Variants in ZNF131 observed in about 807,000 individuals in gnomAD.
The protein encoded by ZNF131 is zinc finger protein 131.
A neutral mutation model predicts 60.0 loss-of-function variants in ZNF131; 7 were observed. The ratio of observed to expected loss-of-function variants is 0.12; its 90% CI spans 0.07 to 0.22. The LOEUF is 0.22. Ranked by LOEUF, ZNF131 falls within the 10% of genes least tolerant of loss-of-function variation. The pLI, the probability that ZNF131 is intolerant of heterozygous loss-of-function variation, is 1.00. For missense variants in ZNF131, 493 were observed against 740.9 expected (o/e 0.67, Z 3.88); for synonymous variants, 257 against 253.2 (o/e 1.01, Z -0.14).
intron 1 of ZNF131, 59 bp from the exon 2 acceptor site, chr5:43,121,980 G>T: frequency 6.4e-7 from 1 of 1,559,312 alleles, no homozygotes. Context: ...TTATGCTTTA[G>T]GGGTTTTGTT....
At position 43,120,973 on chromosome 5, in the gene ZNF131, A is replaced by C. The variant is rs1349005517; in HGVS notation, c.-166A>C. On this transcript the variant is annotated 5_prime_UTR_variant, in exon 1 of 7. Coordinates refer to ENST00000682664, the MANE Select transcript of ZNF131 (RefSeq NM_001330707.2). ...ACGTGCGCCAGCGGGGCCCGAGCAG[A>C]AGGGGAGCCCCGGCTCTCACGAAGA... 4 of 152,198 alleles carry C rather than the reference A, an allele frequency of 2.6e-5. No homozygotes were observed. Among genetic ancestry groups the C allele is most frequent in the African/African-American group, 4.8e-5 (2 of 41,450 alleles). 9.4% of individuals were successfully genotyped at this position (152,198 alleles called of 1,614,324 possible).
At chr5:43,152,094 C>T (rs1427299486) in intron 4 of ZNF131, among the ~76,000 whole-genome samples, 2 of 151,990 alleles carry the variant, frequency 1.3e-5, no homozygotes, top group Admixed American at 1.3e-4. Flanking sequence ...CCTCTACCTC[C>T]CAGGTTCAAG....
intron 4 of ZNF131, among the ~76,000 whole-genome samples, chr5:43,149,970 A>G (rs749674344): frequency 1.3e-5 from 2 of 152,180 alleles, no homozygotes; most frequent in Non-Finnish European, 2.9e-5. Flanking sequence ...GGATGCCGGC[A>G]AGAGACATGA....
intron 3 of ZNF131, among the ~76,000 whole-genome samples, chr5:43,136,397 C>T (rs898178508): frequency 6.8e-6 from 1 of 146,062 alleles, no homozygotes; most frequent in African/African-American, 2.5e-5. Flanking sequence ...AAAAGCAGTT[C>T]TAAAATTCAT....
rs150678014 is a variant in ZNF131 at position 43,161,111 on chromosome 5, G to T, written c.372-138G>T. On this transcript the variant is annotated intron_variant, in intron 4 of 6. Transcript: ENST00000682664. ...CTTAATTACTGTAGCTTTAAGTCTT[G>T]AAATCAGGTAGGATAAGCCCTGCAG... 849 of 729,178 alleles carry T rather than the reference G, an allele frequency of 1.2e-3. 6 individuals are homozygous for T. In the African/African-American group the frequency reaches 0.014, roughly 12 times the overall value. The allele number at this position is 729,178 out of a possible 1,614,324, so 45.2% of individuals were successfully genotyped here. A position where few individuals can be genotyped will look rare whatever the true frequency, so the allele number is the denominator to read the frequency against.
intron 3 of ZNF131, among the ~76,000 whole-genome samples, chr5:43,137,651 GT>G (rs2112241172): frequency 6.6e-6 from 1 of 151,812 alleles, no homozygotes; most frequent in Admixed American, 6.6e-5. Flanking sequence ...GCAGGAATAG[GT>G]GCAGCCATTA....
At chr5:43,156,562 A>G (rs1748987632) in intron 4 of ZNF131, among the ~76,000 whole-genome samples, 2 of 152,230 alleles carry the variant, frequency 1.3e-5, no homozygotes, top group South Asian at 2.1e-4. Flanking sequence ...ACAAACCTCC[A>G]GTGTTTTCAG....
intron 3 of ZNF131, among the ~76,000 whole-genome samples, chr5:43,137,856 T>C (rs1047097439): frequency 6.6e-6 from 1 of 152,066 alleles, no homozygotes; most frequent in Non-Finnish European, 1.5e-5. Flanking sequence ...ATAAAGAAAA[T>C]GTAGTATATG....
chr5:43,133,514 T>A (rs550751060), intron 3 of ZNF131, among the ~76,000 whole-genome samples: 53 of 152,300 alleles, frequency 3.5e-4, no homozygotes, highest in African/African-American at 1.3e-3. Flanking sequence ...CATTTATTCC[T>A]GCTTTGTGTT....
At chr5:43,166,474 C>T (rs1431622358) in intron 5 of ZNF131, among the ~76,000 whole-genome samples, 2 of 151,474 alleles carry the variant, frequency 1.3e-5, no homozygotes, top group African/African-American at 2.4e-5. Context: ...CATTCTCCTA[C>T]CTCAGCCTCC....
intron 4 of ZNF131, among the ~76,000 whole-genome samples, chr5:43,143,937 C>G (rs1461166085): frequency 2.4e-5 from 1 of 41,108 alleles, no homozygotes; most frequent in Non-Finnish European, 4.8e-5. Flanking sequence ...TTTTTTTTTT[C>G]CTTGAGACGG....
intron 4 of ZNF131, among the ~76,000 whole-genome samples, chr5:43,159,244 T>G (rs943670769): frequency 6.6e-6 from 1 of 152,178 alleles, no homozygotes; most frequent in Non-Finnish European, 1.5e-5. Flanking sequence ...AAACCTGCCC[T>G]TTCATCTACT....
intron 3 of ZNF131, chr5:43,124,627 A>G (rs1007413160): frequency 1.3e-5 from 2 of 152,182 alleles, no homozygotes; most frequent in East Asian, 1.9e-4. Flanking sequence ...AGTGGTTTCT[A>G]CTACAAAGCA....
At chr5:43,165,813 C>T (rs547309067) in intron 5 of ZNF131, among the ~76,000 whole-genome samples, 1 of 152,346 alleles carries the variant, frequency 6.6e-6, no homozygotes, top group African/African-American at 2.4e-5. Flanking sequence ...TTCTCCCTAA[C>T]TATGAAAGTC....
At chr5:43,162,928 AG>A (rs1414076196) in intron 5 of ZNF131, among the ~76,000 whole-genome samples, 1 of 131,802 alleles carries the variant, frequency 7.6e-6, no homozygotes, top group Non-Finnish European at 1.7e-5. Flanking sequence ...AAAAAAAAAA[AG>A]CAATCCCTGA....
intron 4 of ZNF131, among the ~76,000 whole-genome samples, chr5:43,156,000 C>G (rs962901207): frequency 6.6e-6 from 1 of 152,184 alleles, no homozygotes; most frequent in Admixed American, 6.5e-5. Flanking sequence ...CCTGACCTCA[C>G]CACTAGCGGC....
intron 3 of ZNF131, among the ~76,000 whole-genome samples, chr5:43,128,874 C>G (rs796105379): frequency 6.6e-6 from 1 of 152,024 alleles, no homozygotes; most frequent in African/African-American, 2.4e-5. Context: ...CCTCAGCCTT[C>G]TAACTACAAG....
intron 4 of ZNF131, among the ~76,000 whole-genome samples, chr5:43,156,344 T>C (rs1417873856): frequency 2.0e-5 from 3 of 152,220 alleles, no homozygotes; most frequent in Non-Finnish European, 4.4e-5. Flanking sequence ...TTCTCCAGTA[T>C]ACTTGGATGA....
Position 43,174,491 on chromosome 5 carries a change from C to T in ZNF131, c.1230C>T (p.His410=), listed in dbSNP as rs1751363428. 3 of 1,549,490 alleles carry T rather than the reference C, an allele frequency of 1.9e-6. No individual in the cohort carries two copies. Among genetic ancestry groups the T allele is most frequent in the East Asian group, 2.3e-5 (1 of 44,404 alleles). The stretch of plus-strand genomic sequence containing the variant: ...ACAGCTGGGACCAGTTCAAAGATCA[C>T]TTGGTAATACACACTGGAGATAAAC... ...VFNSWDQFKD[H]LVIHTGDKPN... The change falls in exon 7 of 7, where the codon CAC becomes CAT. Residue 410 remains histidine (H), a synonymous_variant. Coordinates refer to ENST00000682664, the MANE Select transcript of ZNF131 (RefSeq NM_001330707.2).
Sources: allele counts gnomAD v4.1 joint callset (sites outside exome capture counted in the v4.1 genomes callset), GRCh38; gene constraint gnomAD v4.1.1; transcripts MANE v1.5; gene names NCBI Gene and HGNC (gene_info 2026-07-23, HGNC 2026-07-21).